Variants in WWOX observed in about 807,000 individuals in gnomAD.
The protein encoded by WWOX is WW domain-containing oxidoreductase.
A neutral mutation model predicts 46.2 loss-of-function variants in WWOX; 69 were observed. The observed-to-expected ratio is 1.49, with a 90% CI of 1.23 to 1.82. WWOX has a LOEUF of 1.82. Ranked by LOEUF, WWOX falls within the 40% of genes most tolerant of loss-of-function variation. The pLI, the probability that WWOX is intolerant of heterozygous loss-of-function variation, is 0.00. For missense variants in WWOX, 919 were observed against 542.6 expected, an observed-to-expected ratio of 1.69 and a Z score of -6.89; for synonymous variants, 359 against 202.6, an observed-to-expected ratio of 1.77 and a Z score of -6.56.
intron 8 of WWOX, among the ~76,000 whole-genome samples, chr16:79,045,167 A>C (rs756723340): frequency 6.6e-6 from 1 of 152,196 alleles, no homozygotes; most frequent in Non-Finnish European, 1.5e-5. Context: ...ACAAGTGTTA[A>C]ATTAAATCTT....
At chr16:78,633,243 C>G (rs2046482878) in intron 8 of WWOX, among the ~76,000 whole-genome samples, 2 of 152,140 alleles carry the variant, frequency 1.3e-5, no homozygotes, top group African/African-American at 4.8e-5. Flanking sequence ...TGCTAGGTGA[C>G]AGAGCAAGAT....
At chr16:78,402,838 G>A (rs1184017344) in intron 6 of WWOX, among the ~76,000 whole-genome samples, 1 of 152,040 alleles carries the variant, frequency 6.6e-6, no homozygotes, top group Admixed American at 6.6e-5. Context: ...ATTGGCCCTG[G>A]GGTCTGGTTG....
chr16:78,808,638 A>G (rs2051104871), intron 8 of WWOX, among the ~76,000 whole-genome samples: 3 of 152,214 alleles, frequency 2.0e-5, no homozygotes, highest in African/African-American at 7.2e-5. Flanking sequence ...CTCCAACAGA[A>G]AAACATGCCA....
chr16:78,394,847 G>C (rs1423195022), intron 6 of WWOX, among the ~76,000 whole-genome samples: 1 of 152,366 alleles, frequency 6.6e-6, no homozygotes, highest in African/African-American at 2.4e-5. Flanking sequence ...CCCTGGAGTA[G>C]TGTAAAGAAC....
At chr16:79,200,211 G>A (rs2051319526) in intron 8 of WWOX, among the ~76,000 whole-genome samples, 1 of 152,260 alleles carries the variant, frequency 6.6e-6, no homozygotes, top group African/African-American at 2.4e-5. Flanking sequence ...AGGGTTTTAG[G>A]CACTAGAAAT....
chr16:78,742,465 A>T (rs1053448265), intron 8 of WWOX, among the ~76,000 whole-genome samples: 1 of 152,202 alleles, frequency 6.6e-6, no homozygotes, highest in Non-Finnish European at 1.5e-5. Flanking sequence ...CTGTGAAAAC[A>T]GGTTGGAAGT....
chr16:78,139,055 C>A (rs1395880178), intron 4 of WWOX, among the ~76,000 whole-genome samples: 1 of 151,960 alleles, frequency 6.6e-6, no homozygotes, highest in South Asian at 2.1e-4. Context: ...TAGAATATTA[C>A]GTTCATTTAG....
chr16:78,792,324 C>G (rs7186551), intron 8 of WWOX, among the ~76,000 whole-genome samples: 57,128 of 152,008 alleles, frequency 0.38, 10,871 homozygotes, highest in Admixed American at 0.42. Context: ...TTGGATCTCT[C>G]TCCTCTACTT....
At chr16:79,004,625 GC>G (rs1399410046) in intron 8 of WWOX, 1 of 152,256 alleles carries the variant, frequency 6.6e-6, no homozygotes, top group African/African-American at 2.4e-5. Flanking sequence ...TGCTTTTGAA[GC>G]CCGTACGTTC....
At chr16:78,664,752 A>G (rs373893716) in intron 8 of WWOX, among the ~76,000 whole-genome samples, 11 of 152,214 alleles carry the variant, frequency 7.2e-5, no homozygotes, top group South Asian at 2.1e-4. Flanking sequence ...TTGAGGCTCA[A>G]TTATTAAAGT....
intron 8 of WWOX, among the ~76,000 whole-genome samples, chr16:78,789,157 G>C (rs2142584070): frequency 6.6e-6 from 1 of 152,222 alleles, no homozygotes; most frequent in Middle Eastern, 3.4e-3. Context: ...CTCGCATTTG[G>C]TGAGAGGAGT....
chr16:78,478,469 C>T (rs957110213), intron 8 of WWOX, among the ~76,000 whole-genome samples: 2 of 152,142 alleles, frequency 1.3e-5, no homozygotes, highest in African/African-American at 4.8e-5. Context: ...ATGATAATGA[C>T]GTATTTCCCT....
At chr16:78,461,804 A>G (rs1459298354) in intron 8 of WWOX, among the ~76,000 whole-genome samples, 1 of 152,154 alleles carries the variant, frequency 6.6e-6, no homozygotes, top group Non-Finnish European at 1.5e-5. Flanking sequence ...AGCAGTTTTT[A>G]ATACTCTATT....
At chr16:78,995,186 C>T (rs374287171) in intron 8 of WWOX, among the ~76,000 whole-genome samples, 1 of 152,018 alleles carries the variant, frequency 6.6e-6, no homozygotes, top group South Asian at 2.1e-4. Flanking sequence ...CCAAGCTCAG[C>T]TTCTCTCTGC....
chr16:78,140,232 C>G (rs113221583), intron 4 of WWOX, among the ~76,000 whole-genome samples: 2 of 152,240 alleles, frequency 1.3e-5, no homozygotes, highest in African/African-American at 2.4e-5. Flanking sequence ...ACAGTCCACC[C>G]CCTGCACCAT....
chr16:78,421,444 T>C (rs6564545), intron 6 of WWOX, among the ~76,000 whole-genome samples: 13,373 of 152,214 alleles, frequency 0.088, 1,684 homozygotes, highest in African/African-American at 0.28. Flanking sequence ...AGGCCTGTCA[T>C]TGGATTTAAG....
At chr16:78,398,046 T>C (rs1223476872) in intron 6 of WWOX, among the ~76,000 whole-genome samples, 1 of 152,236 alleles carries the variant, frequency 6.6e-6, no homozygotes, top group Non-Finnish European at 1.5e-5. Context: ...TCACTGTCCA[T>C]TTCCACTTTC....
chr16:78,971,089 C>G (rs1054661879), intron 8 of WWOX, among the ~76,000 whole-genome samples: 1 of 151,860 alleles, frequency 6.6e-6, no homozygotes, highest in Non-Finnish European at 1.5e-5. Flanking sequence ...ATATGTATAT[C>G]AATATATATA....
rs13337537 is a variant in WWOX, at chr16:78,354,557, A to G, written c.517-32303A>G. ...AGTTTAGAAGAGACCCTTATTTTTC[A>G]TATGCTTAGAAATATCCAGCAAGCC... On this transcript the variant is annotated intron_variant, in intron 5 of 8. Coordinates refer to ENST00000566780, the MANE Select transcript of WWOX (RefSeq NM_016373.4). Among the ~76,000 whole-genome samples the G allele has an allele frequency of 6.9e-3, 1,057 of 152,228 alleles. 14 individuals are homozygous for G. Among genetic ancestry groups the G allele is most frequent in the Middle Eastern group, 0.034 (10 of 294 alleles).
Sources: gnomAD v4.1 joint callset for allele counts (sites outside exome capture counted in the v4.1 genomes callset) on GRCh38, gnomAD v4.1.1 for gene constraint, MANE v1.5 for transcripts, NCBI Gene and HGNC (gene_info 2026-07-23, HGNC 2026-07-21) for gene names.